The following CCDC60 variants were observed in gnomAD, a reference collection of about 807,000 sequenced individuals.
CCDC60 encodes coiled-coil domain-containing protein 60.
In CCDC60, 54 loss-of-function variants were observed where a neutral mutation model predicts 63.5. The observed-to-expected ratio is 0.85, with a 90% CI of 0.68 to 1.07. The LOEUF (loss-of-function observed/expected upper bound fraction) is 1.07, where lower values mean the gene tolerates loss of function less well. Among genes scored for constraint, CCDC60 ranks in the 50% least tolerant of loss-of-function variants. The pLI is 0.00. For synonymous variants in CCDC60, 206 were observed against 238.8 expected (o/e 0.86, Z 1.27); for missense variants, 651 against 684.3 (o/e 0.95, Z 0.54).
chr12:119,360,406 C>T (rs2136164444), intron 1 of CCDC60, among the ~76,000 whole-genome samples: 1 of 150,954 alleles, frequency 6.6e-6, no homozygotes, highest in East Asian at 2.1e-4. Context: ...CCCCCACCTC[C>T]CTCCCGGACA....
intron 2 of CCDC60, among the ~76,000 whole-genome samples, chr12:119,465,415 C>T (rs530266887): frequency 6.6e-6 from 1 of 152,152 alleles, no homozygotes; most frequent in South Asian, 2.1e-4. Context: ...CAATGTAAAG[C>T]CTCTATGTAT....
intron 9 of CCDC60, among the ~76,000 whole-genome samples, chr12:119,521,043 C>T (rs541575053): frequency 6.6e-5 from 10 of 152,196 alleles, no homozygotes; most frequent in East Asian, 1.9e-4. Context: ...CTTTTAAATG[C>T]GTACTATACA....
intron 2 of CCDC60, among the ~76,000 whole-genome samples, chr12:119,462,313 G>C (rs1184928937): frequency 6.6e-6 from 1 of 152,144 alleles, no homozygotes; most frequent in Admixed American, 6.6e-5. Context: ...GAACAGCCCA[G>C]CATCTCCTAA....
chr12:119,336,249 C>A (rs4767809), intron 1 of CCDC60, among the ~76,000 whole-genome samples: 99,041 of 151,284 alleles, frequency 0.65, 32,808 homozygotes, highest in East Asian at 0.82. Flanking sequence ...TATAATAATA[C>A]AAAAAAAGGA....
At chr12:119,426,352 T>G (rs970177319) in intron 1 of CCDC60, among the ~76,000 whole-genome samples, 1 of 78,484 alleles carries the variant, frequency 1.3e-5, no homozygotes, top group African/African-American at 6.0e-5. Flanking sequence ...TTTTTATTTA[T>G]TTTTGTTTTG....
intron 5 of CCDC60, among the ~76,000 whole-genome samples, chr12:119,495,420 C>A (rs1951697539): frequency 1.3e-5 from 2 of 152,076 alleles, no homozygotes; most frequent in Non-Finnish European, 2.9e-5. Flanking sequence ...ATTTCAAGTG[C>A]CATTTTGCAC....
At chr12:119,461,822 GC>G (rs759816468) in intron 2 of CCDC60, among the ~76,000 whole-genome samples, 2 of 152,142 alleles carry the variant, frequency 1.3e-5, no homozygotes, top group Non-Finnish European at 2.9e-5. Flanking sequence ...CACACAAATA[GC>G]CTGGTAATCA....
At chr12:119,511,772 A>C (rs1394248409) in intron 7 of CCDC60, among the ~76,000 whole-genome samples, 2 of 152,152 alleles carry the variant, frequency 1.3e-5, no homozygotes, top group African/African-American at 4.8e-5. Context: ...ATATCCACCC[A>C]ACCTTAGGCT....
chr12:119,517,218 C>T (rs1952377945), intron 8 of CCDC60, among the ~76,000 whole-genome samples: 1 of 152,050 alleles, frequency 6.6e-6, no homozygotes, highest in African/African-American at 2.4e-5. Flanking sequence ...TGGCCTCAAA[C>T]TCATGGCTTA....
intron 1 of CCDC60, among the ~76,000 whole-genome samples, chr12:119,408,881 A>G (rs1956543320): frequency 6.6e-6 from 1 of 152,134 alleles, no homozygotes; most frequent in African/African-American, 2.4e-5. Context: ...CCAACCTAAT[A>G]AGTTTCTTGC....
intron 11 of CCDC60, among the ~76,000 whole-genome samples, chr12:119,525,954 C>G (rs998843827): frequency 6.6e-6 from 1 of 151,924 alleles, no homozygotes; most frequent in Non-Finnish European, 1.5e-5. Context: ...CCTGAATAAC[C>G]AAGGCAATCT....
At chr12:119,446,152 T>A (rs1950538601) in intron 2 of CCDC60, among the ~76,000 whole-genome samples, 1 of 152,190 alleles carries the variant, frequency 6.6e-6, no homozygotes, top group African/African-American at 2.4e-5. Flanking sequence ...GAGCATTGTT[T>A]TGCAAGACAG....
intron 1 of CCDC60, among the ~76,000 whole-genome samples, chr12:119,400,145 G>T (rs1364855579): frequency 6.6e-6 from 1 of 151,908 alleles, no homozygotes; most frequent in Non-Finnish European, 1.5e-5. Context: ...CGCCTCCGGG[G>T]TTCACACCAT....
chr12:119,372,912 G>A (rs972479335), intron 1 of CCDC60, among the ~76,000 whole-genome samples: 1 of 152,126 alleles, frequency 6.6e-6, no homozygotes, highest in Admixed American at 6.5e-5. Flanking sequence ...AAAGCATAAT[G>A]TCGTGGATAT....
rs111254342 is a variant in CCDC60, at chr12:119,482,007, G to GTA, written c.449+2816_449+2817dup. Among the ~76,000 whole-genome samples the GTA allele has an allele frequency of 1.8e-4, 24 of 134,958 alleles. No individual in the cohort carries two copies. The South Asian group carries it at 1.9e-3, about 11-fold the overall frequency. The allele number at this position is 134,958 out of a possible 152,430, so 88.5% of individuals were successfully genotyped here. On this transcript the variant is annotated intron_variant, in intron 4 of 13. Transcript: ENST00000327554. ...ATATGTATATATATATGTATATATA[G>GTA]TATATATATATGTATATATGTGTGT...
intron 1 of CCDC60, among the ~76,000 whole-genome samples, chr12:119,400,290 C>T (rs561052168): frequency 1.3e-5 from 2 of 152,324 alleles, no homozygotes; most frequent in Admixed American, 6.5e-5. Context: ...ACCTCGTGAT[C>T]CACCCGCCTT....
At chr12:119,516,770 G>C in intron 8 of CCDC60, 63 bp downstream of exon 8, 6 of 1,138,390 alleles carry the variant, frequency 5.3e-6, no homozygotes, top group Non-Finnish European at 7.8e-6. Context: ...ATTAACAGTA[G>C]TAGTTGCCAA....
At chr12:119,442,567 A>T (rs7308319) in intron 2 of CCDC60, among the ~76,000 whole-genome samples, 2,083 of 152,350 alleles carry the variant, frequency 0.014, 44 homozygotes, top group African/African-American at 0.047. Context: ...GAAGCATTAT[A>T]TCATTTTATC....
chr12:119,451,365 C>T (rs1011846129), intron 2 of CCDC60, among the ~76,000 whole-genome samples: 6 of 152,176 alleles, frequency 3.9e-5, no homozygotes, highest in African/African-American at 1.4e-4. Flanking sequence ...AACAAAGTGC[C>T]TTGCACTAGG....
Sources: gnomAD v4.1 joint callset for allele counts (sites outside exome capture counted in the v4.1 genomes callset) on GRCh38, gnomAD v4.1.1 for gene constraint, MANE v1.5 for transcripts, NCBI Gene and HGNC (gene_info 2026-07-23, HGNC 2026-07-21) for gene names.